The following RPS6KA5 variants were observed in gnomAD, a reference collection of about 807,000 sequenced individuals.
RPS6KA5 encodes the protein ribosomal protein S6 kinase alpha-5.
RPS6KA5 carries 27 observed loss-of-function variants against 85.5 expected under a neutral mutation model. That is an observed-to-expected ratio of 0.32 (90% confidence interval 0.23 to 0.44). RPS6KA5 has a LOEUF of 0.44. RPS6KA5 is among the 20% of genes least tolerant of loss of function. RPS6KA5 has a pLI of 1.00. For missense variants in RPS6KA5, 811 were observed against 980.9 expected, an observed-to-expected ratio of 0.83 and a Z score of 2.31; for synonymous variants, 334 against 348.2, an observed-to-expected ratio of 0.96 and a Z score of 0.46.
chr14:90,865,150 T>G lies in RPS6KA5; in HGVS notation c.*6924A>C, dbSNP rs1417875751. On this transcript the variant is annotated 3_prime_UTR_variant, in exon 17 of 17. Transcript: ENST00000614987. ...GGCTCACTGCAGCCAGCTGTTTCAC[T>G]TTTAAGTGGACACACAAGAGAAATG... The G allele has an allele frequency of 2.6e-5, 4 of 152,368 alleles. No individual in the cohort carries two copies. Among genetic ancestry groups the G allele is most frequent in the African/African-American group, 9.6e-5 (4 of 41,590 alleles). 9.4% of individuals were successfully genotyped at this position (152,368 alleles called of 1,614,324 possible).
At chr14:91,004,499 C>A (rs1020755086) in intron 1 of RPS6KA5, among the ~76,000 whole-genome samples, 1 of 152,118 alleles carries the variant, frequency 6.6e-6, no homozygotes, top group Non-Finnish European at 1.5e-5. Flanking sequence ...TGGTTCTTGT[C>A]TTTGCTCAAA....
At chr14:90,913,024 C>T (rs780893889) in intron 7 of RPS6KA5, among the ~76,000 whole-genome samples, 2 of 148,882 alleles carry the variant, frequency 1.3e-5, no homozygotes, top group Non-Finnish European at 3.0e-5. Flanking sequence ...GATTCTCCTG[C>T]CTCAGTCTCC....
intron 1 of RPS6KA5, among the ~76,000 whole-genome samples, chr14:91,004,922 C>T (rs903526399): frequency 6.6e-6 from 1 of 151,334 alleles, no homozygotes; most frequent in Non-Finnish European, 1.5e-5. Flanking sequence ...GAGCCAAGAT[C>T]GCGCGCCACT....
At chr14:91,018,566 A>G (rs1041488282) in intron 1 of RPS6KA5, among the ~76,000 whole-genome samples, 1 of 152,178 alleles carries the variant, frequency 6.6e-6, no homozygotes, top group Non-Finnish European at 1.5e-5. Context: ...TCTGGCTTTC[A>G]TCTTTCTCCT....
chr14:90,926,180 G>C (rs768912474), intron 5 of RPS6KA5, among the ~76,000 whole-genome samples: 2 of 151,768 alleles, frequency 1.3e-5, no homozygotes, highest in African/African-American at 4.8e-5. Flanking sequence ...TAAGGTGAGC[G>C]GATCACTTGA....
chr14:90,988,820 T>A (rs549595071), intron 2 of RPS6KA5, among the ~76,000 whole-genome samples: 109 of 151,958 alleles, frequency 7.2e-4, no homozygotes, highest in African/African-American at 2.3e-3. Context: ...CTCAAAAAAA[T>A]AAATAAATAA....
intron 1 of RPS6KA5, among the ~76,000 whole-genome samples, chr14:91,004,619 T>G (rs1400741211): frequency 2.0e-5 from 3 of 152,120 alleles, no homozygotes; most frequent in South Asian, 2.1e-4. Flanking sequence ...ATGAACAGTT[T>G]GATGAATTTT....
intron 6 of RPS6KA5, among the ~76,000 whole-genome samples, chr14:90,920,904 T>G (rs1305045593): frequency 6.6e-6 from 1 of 152,162 alleles, no homozygotes; most frequent in African/African-American, 2.4e-5. Flanking sequence ...AATCTTTTAT[T>G]TTATTTTATT....
chr14:90,953,951 T>C (rs752904640), intron 3 of RPS6KA5, among the ~76,000 whole-genome samples: 4 of 152,192 alleles, frequency 2.6e-5, no homozygotes, highest in Admixed American at 6.5e-5. Context: ...GCATGTGATC[T>C]TTGTTCTCCT....
chr14:91,000,432 A>G (rs916655398), intron 2 of RPS6KA5, among the ~76,000 whole-genome samples: 9 of 152,190 alleles, frequency 5.9e-5, no homozygotes, highest in Non-Finnish European at 1.2e-4. Flanking sequence ...GAATAAGACA[A>G]TCAATACAAA....
chr14:90,983,289 A>AG (rs1374454916), intron 2 of RPS6KA5, among the ~76,000 whole-genome samples: 2 of 151,658 alleles, frequency 1.3e-5, no homozygotes, highest in South Asian at 2.1e-4. Flanking sequence ...AAAAAAAAAA[A>AG]AAAGAAAGAA....
intron 1 of RPS6KA5, among the ~76,000 whole-genome samples, chr14:91,008,025 A>G (rs976861421): frequency 6.6e-5 from 10 of 152,214 alleles, no homozygotes; most frequent in African/African-American, 2.4e-4. Context: ...TGCTATTGTA[A>G]GTATAATTTG....
At chr14:90,953,643 GTAAT>G (rs1374240890) in intron 3 of RPS6KA5, among the ~76,000 whole-genome samples, 1 of 152,138 alleles carries the variant, frequency 6.6e-6, no homozygotes, top group Non-Finnish European at 1.5e-5. Flanking sequence ...AGGAATATTA[GTAAT>G]TAATACCCTG....
At chr14:91,044,819 C>T (rs375275591) in intron 1 of RPS6KA5, among the ~76,000 whole-genome samples, 6 of 148,972 alleles carry the variant, frequency 4.0e-5, no homozygotes, top group Admixed American at 6.8e-5. Flanking sequence ...TGCAGTGAGC[C>T]GAGACCGCAC....
chr14:91,026,877 C>T (rs117524064), intron 1 of RPS6KA5, among the ~76,000 whole-genome samples: 1,595 of 152,228 alleles, frequency 0.01, 17 homozygotes, highest in Middle Eastern at 0.031. Context: ...TGATGATTAG[C>T]GATGTTGAGC....
intron 1 of RPS6KA5, among the ~76,000 whole-genome samples, chr14:91,056,846 T>TACTTGAA (rs1400049705): frequency 6.6e-6 from 1 of 150,704 alleles, no homozygotes; most frequent in African/African-American, 2.4e-5. Context: ...CCCTTTACTG[T>TACTTGAA]TATACTTAAG....
intron 3 of RPS6KA5, among the ~76,000 whole-genome samples, chr14:90,960,159 A>G (rs1396464893): frequency 6.6e-6 from 1 of 152,134 alleles, no homozygotes; most frequent in Non-Finnish European, 1.5e-5. Context: ...GAGACGGAGC[A>G]AGGGATTTTC....
intron 7 of RPS6KA5, 141 bp downstream of exon 7, chr14:90,920,065 A>C (rs1293669205): frequency 2.9e-6 from 2 of 694,066 alleles, no homozygotes; most frequent in Non-Finnish European, 5.3e-6. Context: ...ATGCCATATG[A>C]TAGAAATGAA....
intron 14 of RPS6KA5, among the ~76,000 whole-genome samples, chr14:90,878,852 C>A (rs1430702187): frequency 6.6e-6 from 1 of 152,202 alleles, no homozygotes; most frequent in East Asian, 1.9e-4. Flanking sequence ...CTACCTGTTT[C>A]AAGTGGGGCC....
Sources: allele counts gnomAD v4.1 joint callset (sites outside exome capture counted in the v4.1 genomes callset), GRCh38; gene constraint gnomAD v4.1.1; transcripts MANE v1.5; gene names NCBI Gene and HGNC (gene_info 2026-07-23, HGNC 2026-07-21).